Variants in CLMN observed in about 807,000 individuals in gnomAD.
CLMN encodes the protein calmin.
In CLMN, 57 loss-of-function variants were observed where a neutral mutation model predicts 92.7. The ratio of observed to expected loss-of-function variants is 0.61; its 90% CI spans 0.50 to 0.77. The LOEUF (loss-of-function observed/expected upper bound fraction) is 0.77. CLMN is among the 30% of genes least tolerant of loss of function. CLMN has a pLI of 0.00. For synonymous variants in CLMN, 466 were observed against 470.6 expected (o/e 0.99, Z 0.13); for missense variants, 1,158 against 1,237.5 (o/e 0.94, Z 0.96).
intron 1 of CLMN, among the ~76,000 whole-genome samples, chr14:95,253,617 GTTTTTTT>G (rs543744071): frequency 2.5e-4 from 35 of 140,036 alleles, no homozygotes; most frequent in Non-Finnish European, 5.2e-4. Flanking sequence ...TTGTTTTTTT[GTTTTTTT>G]TTTTTTGAGA....
chr14:95,279,607 C>A (rs943590567), intron 1 of CLMN, among the ~76,000 whole-genome samples: 9 of 152,196 alleles, frequency 5.9e-5, no homozygotes, highest in Non-Finnish European at 1.0e-4. Flanking sequence ...CACGGTGAAA[C>A]CCTGTCTCTA....
chr14:95,221,922 A>T, intron 3 of CLMN, 148 bp from the exon 4 acceptor site: 1 of 660,276 alleles, frequency 1.5e-6, no homozygotes, highest in Middle Eastern at 2.9e-4. Flanking sequence ...CCTGGAATGC[A>T]TCCAAACCCA....
At chr14:95,235,110 T>C (rs1294034984) in intron 1 of CLMN, among the ~76,000 whole-genome samples, 3 of 148,642 alleles carry the variant, frequency 2.0e-5, no homozygotes, top group Non-Finnish European at 4.5e-5. Context: ...CTCTCTCTCT[T>C]TCTCTCTCTC....
At chr14:95,254,496 C>T (rs1450049702) in intron 1 of CLMN, among the ~76,000 whole-genome samples, 2 of 152,124 alleles carry the variant, frequency 1.3e-5, no homozygotes, top group African/African-American at 4.8e-5. Flanking sequence ...ACCCTGCTCC[C>T]AACATACCGA....
chr14:95,291,796 C>T (rs1026462362), intron 1 of CLMN, among the ~76,000 whole-genome samples: 4 of 152,112 alleles, frequency 2.6e-5, no homozygotes, highest in East Asian at 1.9e-4. Flanking sequence ...CTGGAGAAGC[C>T]GTGGATGGCC....
intron 1 of CLMN, among the ~76,000 whole-genome samples, chr14:95,232,152 G>C (rs1897909604): frequency 6.6e-6 from 1 of 152,258 alleles, no homozygotes; most frequent in South Asian, 2.1e-4. Context: ...CGAGCACCCG[G>C]AGGGTGTTTC....
intron 1 of CLMN, among the ~76,000 whole-genome samples, chr14:95,274,430 C>T (rs971704979): frequency 2.6e-5 from 4 of 152,134 alleles, no homozygotes; most frequent in African/African-American, 9.7e-5. Flanking sequence ...TGTCGTGTGT[C>T]AGCTGTCATC....
chr14:95,226,995 A>G (rs559966419), intron 2 of CLMN, among the ~76,000 whole-genome samples: 5 of 152,270 alleles, frequency 3.3e-5, no homozygotes, highest in Admixed American at 3.3e-4. Context: ...GCTCCTGGGT[A>G]CAGGGGAAGG....
chr14:95,319,826 C>G lies in CLMN; in HGVS notation c.-34G>C. ...GGCGGGAGAGCCCGGGCCAGCGCGG[C>G]GCGGGCGGCGGGCGCGGAGAGCCTG... is the stretch of plus-strand genomic sequence containing the variant. On this transcript the variant is annotated 5_prime_UTR_variant, in exon 1 of 13. Coordinates refer to ENST00000298912, the MANE Select transcript of CLMN (RefSeq NM_024734.4). 7.7e-7 allele frequency: 1 copy of G among 1,305,946 alleles called. No homozygotes were observed. Among genetic ancestry groups the G allele is most frequent in the Non-Finnish European group, 9.8e-7 (1 of 1,022,006 alleles). 80.9% of individuals were successfully genotyped at this position (1,305,946 alleles called of 1,614,324 possible).
At chr14:95,246,459 G>T (rs553949136) in intron 1 of CLMN, among the ~76,000 whole-genome samples, 1 of 152,250 alleles carries the variant, frequency 6.6e-6, no homozygotes, top group South Asian at 2.1e-4. Flanking sequence ...CCTCCTCTTG[G>T]GAACTGTGAG....
Position 95,319,396 on chromosome 14 carries a change from C to G in CLMN, c.82+315G>C, listed in dbSNP as rs188376672. 1.5e-3 allele frequency among the ~76,000 whole-genome samples: 225 copies of G among 152,226 alleles called. 1 individual carries two copies. Among genetic ancestry groups the G allele is most frequent in the African/African-American group, 5.2e-3 (214 of 41,522 alleles). Reference sequence around the variant, plus strand: ...CTGGGCCACCGCCCCCAAGAGCCCACGTACAAACTTCTCCAAACTCGCAGC... The same window carrying G: ...CTGGGCCACCGCCCCCAAGAGCCCAGGTACAAACTTCTCCAAACTCGCAGC... On this transcript the variant is annotated intron_variant, in intron 1 of 12. Transcript: ENST00000298912.
In CLMN at chr14:95,194,401, A is replaced by AAAG; in HGVS notation, c.2769+134_2769+135insCTT. The AAAG allele has an allele frequency of 6.5e-7, 1 of 1,529,850 alleles. No homozygotes were observed. Among genetic ancestry groups the AAAG allele is most frequent in the East Asian group, 2.4e-5 (1 of 41,270 alleles). 94.8% of individuals were successfully genotyped at this position (1,529,850 alleles called of 1,614,324 possible). A position where few individuals can be genotyped will look rare whatever the true frequency, so the allele number is the denominator to read the frequency against. ...GACTGTGCTTAATGATAAGGTTCCA[A>AAAG]TCTGCTTGTCTTCTATCCAAAAGTA... On this transcript the variant is annotated intron_variant, in intron 11 of 12. Coordinates refer to ENST00000298912, the MANE Select transcript of CLMN (RefSeq NM_024734.4). This position sits in a 1 kb window ranked among gnomAD's most constrained non-coding sequence, Gnocchi z 4.0.
intron 1 of CLMN, among the ~76,000 whole-genome samples, chr14:95,246,932 C>T (rs113792700): frequency 0.022 from 3,378 of 152,262 alleles, 69 homozygotes; most frequent in African/African-American, 0.033. Context: ...TGAATCTAAC[C>T]TCATCAATTC....
rs1896523702 is a variant in CLMN, at chr14:95,189,971, A to T, written c.*1593T>A. 1.3e-5 allele frequency: 2 copies of T among 152,296 alleles called. No individual in the cohort carries two copies. The highest frequency in any genetic ancestry group is 4.1e-4 in the South Asian group (2 of 4,828). 9.4% of individuals were successfully genotyped at this position (152,296 alleles called of 1,614,324 possible). A position where few individuals can be genotyped will look rare whatever the true frequency, so the allele number is the denominator to read the frequency against. ...CTGGAATTCTGTAAACTTGAAACCC[A>T]CTGCTTGAAATGAGCAAGTCCTTGG... On this transcript the variant is annotated 3_prime_UTR_variant, in exon 13 of 13. Transcript: ENST00000298912.
intron 1 of CLMN, among the ~76,000 whole-genome samples, chr14:95,292,813 G>T (rs1900628019): frequency 6.6e-6 from 1 of 152,138 alleles, no homozygotes; most frequent in African/African-American, 2.4e-5. Flanking sequence ...AGGGCGAGAT[G>T]AAGCTCCAAA....
intron 3 of CLMN, chr14:95,222,553 C>T (rs146973206): frequency 1.1e-5 from 5 of 455,514 alleles, no homozygotes; most frequent in Middle Eastern, 3.7e-4. Context: ...GAATCAAAGA[C>T]TCCCCGTGGA....
At chr14:95,309,478 G>A (rs1181251152) in intron 1 of CLMN, among the ~76,000 whole-genome samples, 1 of 152,198 alleles carries the variant, frequency 6.6e-6, no homozygotes, top group South Asian at 2.1e-4. Context: ...TAGAGGACAC[G>A]ACGATGCCAC....
chr14:95,287,685 A>G (rs922029261), intron 1 of CLMN, among the ~76,000 whole-genome samples: 4 of 152,238 alleles, frequency 2.6e-5, no homozygotes, highest in Non-Finnish European at 5.9e-5. Context: ...GACAGCTTCA[A>G]TGGTTTAGCA....
intron 1 of CLMN, among the ~76,000 whole-genome samples, chr14:95,302,967 G>A (rs908920786): frequency 3.3e-5 from 5 of 152,050 alleles, no homozygotes; most frequent in African/African-American, 1.2e-4. Flanking sequence ...TCATTTCAGC[G>A]GTGCTGGAGG....
Sources: allele counts gnomAD v4.1 joint callset (sites outside exome capture counted in the v4.1 genomes callset), GRCh38; gene constraint gnomAD v4.1.1; non-coding constraint Gnocchi (gnomAD v3.1); transcripts MANE v1.5; gene names NCBI Gene and HGNC (gene_info 2026-07-23, HGNC 2026-07-21).